Variants in PRUNE2 observed in about 807,000 individuals in gnomAD.
PRUNE2 encodes prune homolog 2 with BCH domain.
PRUNE2 carries 164 observed loss-of-function variants against 252.0 expected under a neutral mutation model. That is an observed-to-expected ratio of 0.65 (90% CI 0.57 to 0.74). The LOEUF (loss-of-function observed/expected upper bound fraction) is 0.74, where lower values mean the gene tolerates loss of function less well. Among genes scored for constraint, PRUNE2 ranks in the 30% least tolerant of loss-of-function variants. PRUNE2 has a pLI of 0.00. For missense variants in PRUNE2, 3,495 were observed against 3,711.0 expected (o/e 0.94, Z 1.51); for synonymous variants, 1,292 against 1,350.2 (o/e 0.96, Z 0.94).
intron 9 of PRUNE2, among the ~76,000 whole-genome samples, chr9:76,682,510 C>A (rs553247837): frequency 2.0e-5 from 3 of 151,638 alleles, no homozygotes; most frequent in Non-Finnish European, 4.4e-5. Flanking sequence ...TACAGGTATG[C>A]GCCACCCCGC....
chr9:76,881,620 C>CA (rs2061789426), intron 1 of PRUNE2, among the ~76,000 whole-genome samples: 1 of 142,228 alleles, frequency 7.0e-6, no homozygotes, highest in Admixed American at 7.1e-5. Flanking sequence ...CTGGACATTT[C>CA]TTTTTTTTTT....
chr9:76,785,382 A>T (rs1230136449), intron 6 of PRUNE2: 1 of 152,244 alleles, frequency 6.6e-6, no homozygotes, highest in Non-Finnish European at 1.5e-5. Flanking sequence ...TGCAAGAGCC[A>T]CAGAGGGAAT....
At chr9:76,797,130 G>T (rs147625425) in intron 6 of PRUNE2, among the ~76,000 whole-genome samples, 305 of 152,112 alleles carry the variant, frequency 2.0e-3, no homozygotes, top group Non-Finnish European at 3.6e-3. Flanking sequence ...ACTGTGTACT[G>T]TTAAAATTTT....
At chr9:76,757,852 C>CA (rs200163360) in intron 6 of PRUNE2, among the ~76,000 whole-genome samples, 1,859 of 152,188 alleles carry the variant, frequency 0.012, 33 homozygotes, top group African/African-American at 0.042. Flanking sequence ...GCAGGAGGAT[C>CA]CCTGGGCCCC....
rs1429049286 is a variant in PRUNE2, at chr9:76,703,980, C to T, written c.7633G>A (p.Ala2545Thr). 1 of 1,613,870 alleles carries T rather than the reference C, an allele frequency of 6.2e-7. No individual in the cohort carries two copies. The highest frequency in any genetic ancestry group is 2.2e-5 in the East Asian group (1 of 44,870). Residue 2545 changes from alanine (A) to threonine (T), a missense_variant, in exon 9 of 19, where the codon GCA (alanine) becomes ACA (threonine). Ala to Thr is a moderately conservative substitution (Grantham distance 58, BLOSUM62 0). Transcript: ENST00000376718. ...ACAAGTATGTAATCCATGTGTAGTGCATGACGATCTTCATTCTTCTCTGTA... is the reference window on the plus strand; with the variant it reads ...ACAAGTATGTAATCCATGTGTAGTGTATGACGATCTTCATTCTTCTCTGTA... ...RCTEKNEDRH[A>T]LHMDYILVNR...
At chr9:76,842,189 A>G (rs2059427981) in intron 4 of PRUNE2, among the ~76,000 whole-genome samples, 1 of 152,184 alleles carries the variant, frequency 6.6e-6, no homozygotes, top group Admixed American at 6.5e-5. Context: ...AATGCCACAC[A>G]TCTACAACCA....
intron 3 of PRUNE2, among the ~76,000 whole-genome samples, chr9:76,847,751 G>C (rs1214245121): frequency 1.3e-5 from 2 of 152,234 alleles, no homozygotes; most frequent in Non-Finnish European, 2.9e-5. Flanking sequence ...GAATGGCAAT[G>C]AAAGAAATAA....
In PRUNE2 at chr9:76,906,052, T is replaced by C. The variant is rs2063477000; in HGVS notation, c.-89A>G. 10 of 1,444,498 alleles carry C rather than the reference T, an allele frequency of 6.9e-6. No individual in the cohort carries two copies. The Admixed American group carries it at 1.4e-4, about 20-fold the overall frequency. The allele number at this position is 1,444,498 out of a possible 1,614,324, so 89.5% of individuals were successfully genotyped here. A position where few individuals can be genotyped will look rare whatever the true frequency, so the allele number is the denominator to read the frequency against. On this transcript the variant is annotated 5_prime_UTR_variant, in exon 1 of 19. Coordinates refer to ENST00000376718, the MANE Select transcript of PRUNE2 (RefSeq NM_015225.3). ...GAAGACGAGCGGGGTCCCGGGAAAG[T>C]GGCCCGCCGGGGCGCAGCGACCGAC...
In PRUNE2 at chr9:76,611,907, C is replaced by T. The variant is rs1827560216; in HGVS notation, c.*2663G>A. On this transcript the variant is annotated 3_prime_UTR_variant, in exon 19 of 19. Transcript: ENST00000376718. ...CCCAATGACCCCTTGGTTCCCTTAA[C>T]TACAGATCTATAGGAGAAATGCAAA... The T allele has an allele frequency of 6.6e-6, 1 of 152,630 alleles. No homozygotes were observed. The highest frequency in any genetic ancestry group is 2.1e-4 in the South Asian group (1 of 4,828). The allele number at this position is 152,630 out of a possible 1,614,324, so 9.5% of individuals were successfully genotyped here.
chr9:76,843,344 G>C (rs1448944079), intron 4 of PRUNE2, among the ~76,000 whole-genome samples: 1 of 152,146 alleles, frequency 6.6e-6, no homozygotes, highest in Non-Finnish European at 1.5e-5. Flanking sequence ...CTAGGGGAGG[G>C]AGAGCATTAG....
rs200627554 is a variant in PRUNE2 at position 76,707,194 on chromosome 9, C to A, written c.5080G>T (p.Gly1694Cys). Reference protein sequence around the residue: ...SSGSDDDSVGGEESIEEEIQV... With the variant: ...SSGSDDDSVGCEESIEEEIQV... ...ATCTCTTCCTCTATTGACTCTTCAC[C>A]ACCGACACTGTCATCATCAGAACCT... is the stretch of plus-strand genomic sequence containing the variant. The change falls in exon 8 of 19, where the codon GGT becomes TGT. Residue 1694 changes from glycine (G) to cysteine (C), a missense_variant. Transcript: ENST00000376718. 5.5e-5 allele frequency: 89 copies of A among 1,613,856 alleles called. No individual in the cohort carries two copies. In the African/African-American group the frequency reaches 1.1e-3, roughly 21 times the overall value.
At chr9:76,873,132 C>T (rs188344431) in intron 1 of PRUNE2, among the ~76,000 whole-genome samples, 1 of 151,854 alleles carries the variant, frequency 6.6e-6, no homozygotes, top group Non-Finnish European at 1.5e-5. Flanking sequence ...TCCGAGGAAG[C>T]CTGGCCCTGA....
intron 6 of PRUNE2, among the ~76,000 whole-genome samples, chr9:76,752,416 G>T (rs2050716848): frequency 6.6e-6 from 1 of 151,306 alleles, no homozygotes; most frequent in Non-Finnish European, 1.5e-5. Flanking sequence ...ATTCTTAAAT[G>T]CCTTATACCT....
At chr9:76,901,150 A>G (rs1159934696) in intron 1 of PRUNE2, among the ~76,000 whole-genome samples, 1 of 152,156 alleles carries the variant, frequency 6.6e-6, no homozygotes, top group Admixed American at 6.6e-5. Context: ...CTCTTCTCCA[A>G]AGGTCCCAGG....
intron 1 of PRUNE2, among the ~76,000 whole-genome samples, chr9:76,888,853 TTG>T (rs1445501280): frequency 6.6e-6 from 1 of 151,972 alleles, no homozygotes; most frequent in Non-Finnish European, 1.5e-5. Context: ...GTTGTTGTTG[TTG>T]TTTTTGAGAC....
At chr9:76,752,096 GGTTT>G (rs1387116533) in intron 6 of PRUNE2, among the ~76,000 whole-genome samples, 55 of 21,436 alleles carry the variant, frequency 2.6e-3, no homozygotes, top group African/African-American at 4.0e-3. Context: ...TTTTTTTTTT[GGTTT>G]TTTTTTTTTT....
chr9:76,878,540 C>T (rs1251203802), intron 1 of PRUNE2, among the ~76,000 whole-genome samples: 2 of 152,176 alleles, frequency 1.3e-5, no homozygotes, highest in Non-Finnish European at 2.9e-5. Flanking sequence ...AGATCACCAA[C>T]TTCAGAAAAC....
intron 6 of PRUNE2, among the ~76,000 whole-genome samples, chr9:76,736,176 A>AC (rs1444524793): frequency 2.0e-5 from 3 of 151,642 alleles, no homozygotes; most frequent in African/African-American, 7.3e-5. Flanking sequence ...AAAATTTGTA[A>AC]AGGGATACTT....
At chr9:76,744,624 T>C (rs2049942370) in intron 6 of PRUNE2, among the ~76,000 whole-genome samples, 1 of 152,192 alleles carries the variant, frequency 6.6e-6, no homozygotes. Flanking sequence ...CATACCCTTC[T>C]ATCACTTGCT....
Sources: allele counts gnomAD v4.1 joint callset (sites outside exome capture counted in the v4.1 genomes callset), GRCh38; gene constraint gnomAD v4.1.1; transcripts MANE v1.5; gene names NCBI Gene and HGNC (gene_info 2026-07-23, HGNC 2026-07-21).